URB1: variants seen among roughly 807,000 people sequenced by gnomAD.
The protein encoded by URB1 is nucleolar pre-ribosomal-associated protein 1.
URB1 carries 197 observed loss-of-function variants against 242.3 expected under a neutral mutation model. That is an observed-to-expected ratio of 0.81 (90% CI 0.72 to 0.91). The LOEUF (loss-of-function observed/expected upper bound fraction) is 0.91, where lower values mean the gene tolerates loss of function less well. URB1 is among the 40% of genes least tolerant of loss of function. URB1 has a pLI of 0.00. For missense variants in URB1, 2,721 were observed against 2,860.5 expected (o/e 0.95, Z 1.11); for synonymous variants, 1,153 against 1,201.8 (o/e 0.96, Z 0.84).
chr21:32,358,906 T>G (rs1190688833), intron 14 of URB1, among the ~76,000 whole-genome samples: 1 of 152,164 alleles, frequency 6.6e-6, no homozygotes, highest in Non-Finnish European at 1.5e-5. Context: ...TGTGCCCAGC[T>G]GCCTTGTCTT....
At chr21:32,389,554 G>A (rs2033617064) in intron 1 of URB1, among the ~76,000 whole-genome samples, 1 of 152,152 alleles carries the variant, frequency 6.6e-6, no homozygotes, top group South Asian at 2.1e-4. Flanking sequence ...AAGGAAAGAG[G>A]GGGAGCAGAC....
At chr21:32,366,597 G>A (rs1228101550) in intron 10 of URB1, 21 bp downstream of exon 10, 2 of 1,550,574 alleles carry the variant, frequency 1.3e-6, no homozygotes, top group South Asian at 1.2e-5. Flanking sequence ...TTCCAGAAGT[G>A]GGGCAACCAC....
At chr21:32,334,879 G>C (rs1010025916) in intron 28 of URB1, among the ~76,000 whole-genome samples, 2 of 152,170 alleles carry the variant, frequency 1.3e-5, no homozygotes, top group Admixed American at 1.3e-4. Context: ...CCCACCATGT[G>C]TGTGCTATGG....
rs1057510588 is a variant in URB1 at position 32,359,916 on chromosome 21, T to A, written c.1757-8A>T. 1.9e-5 allele frequency: 29 copies of A among 1,546,458 alleles called. No homozygotes were observed. The Admixed American group carries it at 5.8e-4, about 31-fold the overall frequency. On this transcript the variant is annotated splice_region_variant and splice_polypyrimidine_tract_variant and intron_variant, in intron 13 of 38. Transcript: ENST00000382751. ...CCTGCTCAGAGATGACACCTATGGG[T>A]GAAAAAGAGGCAGGCTGAAAAAAGT... is the stretch of plus-strand genomic sequence containing the variant.
intron 15 of URB1, 36 bp from the exon 16 acceptor site, chr21:32,355,601 C>A (rs2033211086): frequency 6.7e-7 from 1 of 1,495,008 alleles, no homozygotes; most frequent in South Asian, 1.2e-5. Flanking sequence ...AAAGTCAGAA[C>A]AGAACGCGCT....
chr21:32,392,483 TAA>T (rs1411928130), intron 1 of URB1, among the ~76,000 whole-genome samples: 1 of 152,126 alleles, frequency 6.6e-6, no homozygotes, highest in Non-Finnish European at 1.5e-5. Context: ...ACAACTGCAA[TAA>T]AGAGGTTTTA....
chr21:32,352,840 AG>A lies in URB1; in HGVS notation c.2482del (p.Leu828TrpfsTer214), dbSNP rs1347436818. On this transcript the variant is annotated frameshift_variant, in exon 19 of 39. Coordinates refer to ENST00000382751, the MANE Select transcript of URB1 (RefSeq NM_014825.3). LOFTEE classifies it high-confidence loss of function. ...TDLLHTQRDP[L>X]ALCLLLQAYD... ...TGCCTGGAGCAGGAGACACAGAGCC[AG>A]GGGGTCCCTCTGGGTGTGGAGGAGG... 2 of 1,551,578 alleles carry A rather than the reference AG, an allele frequency of 1.3e-6. No homozygotes were observed. The highest frequency in any genetic ancestry group is 1.7e-4 in the Middle Eastern group (1 of 6,014).
intron 12 of URB1, among the ~76,000 whole-genome samples, chr21:32,361,572 A>G (rs933158848): frequency 2.0e-5 from 3 of 152,160 alleles, no homozygotes; most frequent in African/African-American, 7.2e-5. Context: ...TCTGAGCTCT[A>G]TCTGCAAACC....
rs543813894 is a variant in URB1, at chr21:32,367,157, T to A, written c.1198-402A>T. ...AAAGCTTCCTCACAACGCTTTGGGA[T>A]AGGCACACTTTACATTAAAACAAAA... On this transcript the variant is annotated intron_variant, in intron 9 of 38. Coordinates refer to ENST00000382751, the MANE Select transcript of URB1 (RefSeq NM_014825.3). 1.1e-3 allele frequency among the ~76,000 whole-genome samples: 168 copies of A among 152,304 alleles called. 2 individuals carry two copies. Among genetic ancestry groups the A allele is most frequent in the Admixed American group, 1.4e-3 (21 of 15,302 alleles).
At chr21:32,371,096 C>G (rs746736010) in intron 8 of URB1, among the ~76,000 whole-genome samples, 1 of 152,132 alleles carries the variant, frequency 6.6e-6, no homozygotes, top group African/African-American at 2.4e-5. Context: ...AAGGGCTGTC[C>G]GGGAAGGCCT....
At chr21:32,369,059 T>C (rs1220618959) in intron 8 of URB1, among the ~76,000 whole-genome samples, 1 of 147,498 alleles carries the variant, frequency 6.8e-6, no homozygotes, top group Non-Finnish European at 1.5e-5. Flanking sequence ...AAGCACTATG[T>C]AGGGCTGGCT....
chr21:32,344,560 A>G lies in URB1; in HGVS notation c.4257+10T>C, dbSNP rs1026059036. On this transcript the variant is annotated intron_variant, in intron 24 of 38. Coordinates refer to ENST00000382751, the MANE Select transcript of URB1 (RefSeq NM_014825.3). ...AAATTTAATCTGGATCTCTAAGAAA[A>G]GACACTTACCAACAACGCATTTAAT... The G allele has an allele frequency of 1.3e-6, 2 of 1,551,112 alleles. No homozygotes were observed. The highest frequency in any genetic ancestry group is 2.0e-5 in the Admixed American group (1 of 50,914).
Position 32,316,552 on chromosome 21 carries a change from G to A in URB1, c.6548C>T (p.Ala2183Val). 1.3e-6 allele frequency: 2 copies of A among 1,551,076 alleles called. No homozygotes were observed. Among genetic ancestry groups the A allele is most frequent in the Non-Finnish European group, 1.7e-6 (2 of 1,146,832 alleles). ...FNTVMLQLVA[A>V]QGRAGSPFHP... ...GAAGGGGCTCCCTGCCCGGCCCTGG[G>A]CAGCCACCAGCTGCAGCATGACCGT... Residue 2183 changes from alanine (A) to valine (V), a missense_variant, in exon 38 of 39, where the codon GCC becomes GTC. Ala to Val is a moderately conservative substitution (Grantham distance 64). Coordinates refer to ENST00000382751, the MANE Select transcript of URB1 (RefSeq NM_014825.3).
chr21:32,375,114 T>C (rs1241466282), intron 6 of URB1, among the ~76,000 whole-genome samples: 2 of 152,246 alleles, frequency 1.3e-5, no homozygotes, highest in African/African-American at 4.8e-5. Context: ...ATGATTACTT[T>C]GGGTTGCTGT....
At chr21:32,354,129 C>G (rs2033191623) in intron 17 of URB1, 26 bp from the exon 18 acceptor site, 2 of 1,550,748 alleles carry the variant, frequency 1.3e-6, no homozygotes, top group African/African-American at 2.7e-5. Flanking sequence ...GAGAATCCAG[C>G]TGATGTGAGA....
At chr21:32,333,789 C>T (rs1224037789) in intron 29 of URB1, among the ~76,000 whole-genome samples, 4 of 152,310 alleles carry the variant, frequency 2.6e-5, no homozygotes, top group Non-Finnish European at 5.9e-5. Flanking sequence ...AGATTCTCAA[C>T]CTGTATGGCA....
chr21:32,316,025 A>G (rs1356455861), intron 38 of URB1, among the ~76,000 whole-genome samples: 1 of 152,244 alleles, frequency 6.6e-6, no homozygotes, highest in Non-Finnish European at 1.5e-5. Flanking sequence ...TCATGTGCGC[A>G]TTTATACGCA....
Position 32,366,639 on chromosome 21 carries a change from G to T in URB1, c.1314C>A (p.Ser438Arg), listed in dbSNP as rs960297275. The change falls in exon 10 of 39, where the codon AGC becomes AGA. Residue 438 changes from serine to arginine, a missense_variant. By Grantham distance (110) the Ser-to-Arg change is moderately radical. Coordinates refer to ENST00000382751, the MANE Select transcript of URB1 (RefSeq NM_014825.3). ...VTTVPLVCNK[S>R]MFTQALNLDS... ...TTACGTTTAATGCTTGGGTGAACAT[G>T]CTCTTATTGCACACCAGGGGCACGG... is the stretch of plus-strand genomic sequence containing the variant. 2 of 1,551,372 alleles carry T rather than the reference G, an allele frequency of 1.3e-6. No homozygotes were observed. The highest frequency in any genetic ancestry group is 1.7e-6 in the Non-Finnish European group (2 of 1,146,828).
In URB1 at chr21:32,383,562, G is replaced by C; in HGVS notation, c.435-8C>G. On this transcript the variant is annotated splice_region_variant and splice_polypyrimidine_tract_variant and intron_variant, in intron 3 of 38. Coordinates refer to ENST00000382751, the MANE Select transcript of URB1 (RefSeq NM_014825.3). ...AGGCAGGCGCGAGCCAACCTGCACA[G>C]GGAACCAGAGGAAATCGGACACGTC... The C allele has an allele frequency of 6.5e-7, 1 of 1,549,030 alleles. No homozygotes were observed. Among genetic ancestry groups the C allele is most frequent in the East Asian group, 2.5e-5 (1 of 40,770 alleles).
Sources: gnomAD v4.1 joint callset for allele counts (sites outside exome capture counted in the v4.1 genomes callset) on GRCh38, gnomAD v4.1.1 for gene constraint, MANE v1.5 for transcripts, NCBI Gene and HGNC (gene_info 2026-07-23, HGNC 2026-07-21) for gene names.